AOPEP: variants seen among roughly 807,000 people sequenced by gnomAD.
The protein encoded by AOPEP is aminopeptidase O.
Under a neutral mutation model 98.1 loss-of-function variants are expected in AOPEP, and 77 were observed. The observed-to-expected ratio is 0.78, with a 90% CI of 0.65 to 0.95. The LOEUF is 0.95. AOPEP is among the 40% of genes least tolerant of loss of function. The pLI, the probability that AOPEP is intolerant of heterozygous loss-of-function variation, is 0.00. For synonymous variants in AOPEP, 346 were observed against 365.3 expected (o/e 0.95, Z 0.60); for missense variants, 1,024 against 1,024.7 (o/e 1.00, Z 0.01).
chr9:94,854,821 C>T (rs10993370), intron 5 of AOPEP, among the ~76,000 whole-genome samples: 2 of 151,898 alleles, frequency 1.3e-5, no homozygotes, highest in Non-Finnish European at 1.5e-5. Context: ...TATGTTGGAT[C>T]GGAACATCCA....
chr9:94,918,780 GAGA>G (rs1254932091), intron 5 of AOPEP, among the ~76,000 whole-genome samples: 5 of 152,222 alleles, frequency 3.3e-5, no homozygotes, highest in South Asian at 2.1e-4. Flanking sequence ...TCTTCAGAAG[GAGA>G]AGATGTTTGG....
chr9:94,945,369 G>A (rs1186616560), intron 7 of AOPEP, among the ~76,000 whole-genome samples: 1 of 152,046 alleles, frequency 6.6e-6, no homozygotes, highest in Non-Finnish European at 1.5e-5. Flanking sequence ...GTTAACCATT[G>A]GGCGTCATCA....
At chr9:94,816,928 A>G (rs924229791) in intron 5 of AOPEP, among the ~76,000 whole-genome samples, 9 of 152,242 alleles carry the variant, frequency 5.9e-5, no homozygotes, top group African/African-American at 2.2e-4. Context: ...TTCTCCTGAC[A>G]TTGATAAAAA....
At chr9:94,887,089 C>T (rs1391721516) in intron 5 of AOPEP, among the ~76,000 whole-genome samples, 1 of 152,022 alleles carries the variant, frequency 6.6e-6, no homozygotes, top group Admixed American at 6.6e-5. Context: ...GCCTGTAATC[C>T]CAGCACTTTG....
chr9:95,053,904 G>GAGGA (rs2066604995), intron 13 of AOPEP, among the ~76,000 whole-genome samples: 1 of 152,070 alleles, frequency 6.6e-6, no homozygotes, highest in African/African-American at 2.4e-5. Flanking sequence ...GGTAGGGAGC[G>GAGGA]AGGTCTCACT....
chr9:94,941,120 A>AG (rs1411540057), intron 7 of AOPEP, among the ~76,000 whole-genome samples: 2 of 152,252 alleles, frequency 1.3e-5, no homozygotes, highest in Non-Finnish European at 2.9e-5. Flanking sequence ...CAGCACTTCT[A>AG]AGACTACCCT....
At chr9:94,751,173 T>G (rs1229417700) in intron 1 of AOPEP, among the ~76,000 whole-genome samples, 1 of 152,158 alleles carries the variant, frequency 6.6e-6, no homozygotes, top group Non-Finnish European at 1.5e-5. Context: ...CTCAATGCCA[T>G]TCCCTTCTTC....
At chr9:94,763,191 C>CT (rs1420743700) in intron 2 of AOPEP, 3 of 404,442 alleles carry the variant, frequency 7.4e-6, no homozygotes, top group South Asian at 1.9e-5. Flanking sequence ...AAGAGAATGA[C>CT]TTTTTTTGAA....
chr9:95,131,734 G>A, the AOPEP span, among the ~76,000 whole-genome samples: 1 of 152,212 alleles, frequency 6.6e-6, no homozygotes, highest in Admixed American at 6.5e-5. Context: ...ACCCTGGCAT[G>A]TTAGTGAAAA....
In AOPEP at chr9:94,990,385, T is replaced by C. The variant is rs923345137; in HGVS notation, c.1977+10958T>C. Among the ~76,000 whole-genome samples, 7 of 152,176 alleles carry C rather than the reference T, an allele frequency of 4.6e-5. 1 individual carries two copies. The South Asian group carries it at 1.0e-3, about 23-fold the overall frequency. The stretch of plus-strand genomic sequence containing the variant: ...TCCCTAATAATGAGCGGACCTGTAA[T>C]AGGATTTCACTGCAGTGCTGCCTTA... On this transcript the variant is annotated intron_variant, in intron 11 of 16. Coordinates refer to ENST00000375315, the MANE Select transcript of AOPEP (RefSeq NM_001193329.3).
chr9:94,740,658 C>T lies in AOPEP; in HGVS notation c.-136+13907C>T, dbSNP rs548090240. ...TGACCAGCCATGCAGGACACAAGATCACATGCCAGAAAGTTCAGCATAGTA... is the reference window on the plus strand; with the variant it reads ...TGACCAGCCATGCAGGACACAAGATTACATGCCAGAAAGTTCAGCATAGTA... On this transcript the variant is annotated intron_variant, in intron 1 of 16. Transcript: ENST00000375315. Among the ~76,000 whole-genome samples, 15 of 152,204 alleles carry T rather than the reference C, an allele frequency of 9.9e-5. No individual in the cohort carries two copies. The South Asian group carries it at 3.1e-3, about 32-fold the overall frequency.
intron 13 of AOPEP, among the ~76,000 whole-genome samples, chr9:95,045,008 T>G (rs977989229): frequency 4.6e-5 from 7 of 152,150 alleles, no homozygotes; most frequent in African/African-American, 1.4e-4. Context: ...CCATTTTATA[T>G]TCATGCTCAG....
intron 16 of AOPEP, chr9:95,083,082 C>T (rs111865302): frequency 6.0e-5 from 13 of 217,332 alleles, no homozygotes; most frequent in African/African-American, 2.8e-4. Context: ...CTGGCAGAAG[C>T]GCTGGTCCAG....
At chr9:95,003,158 G>A (rs2061674246) in intron 11 of AOPEP, among the ~76,000 whole-genome samples, 1 of 150,424 alleles carries the variant, frequency 6.6e-6, no homozygotes, top group Non-Finnish European at 1.5e-5. Flanking sequence ...GTGTGTGTGT[G>A]TGTGTGTGCG....
At chr9:94,924,989 T>TTTG (rs371170350) in intron 6 of AOPEP, among the ~76,000 whole-genome samples, 32 of 152,084 alleles carry the variant, frequency 2.1e-4, no homozygotes, top group Admixed American at 6.5e-4. Context: ...AGTTCCTATT[T>TTTG]TTGTTGTTGT....
At chr9:94,999,703 G>A (rs2061441760) in intron 11 of AOPEP, among the ~76,000 whole-genome samples, 1 of 152,130 alleles carries the variant, frequency 6.6e-6, no homozygotes, top group Non-Finnish European at 1.5e-5. Context: ...AAGTGGTCTG[G>A]CTTATTCCAA....
the AOPEP span, among the ~76,000 whole-genome samples, chr9:95,127,612 C>CA: frequency 1.3e-5 from 2 of 152,230 alleles, no homozygotes; most frequent in Non-Finnish European, 2.9e-5. Context: ...CCCTGCTTCA[C>CA]AGCAGCATTC....
Position 95,086,876 on chromosome 9 carries a change from C to G in AOPEP, c.*199C>G. 1 of 987,926 alleles carries G rather than the reference C, an allele frequency of 1.0e-6. No individual in the cohort carries two copies. The highest frequency in any genetic ancestry group is 4.7e-5 in the South Asian group (1 of 21,366). 61.2% of individuals were successfully genotyped at this position (987,926 alleles called of 1,614,324 possible). A position where few individuals can be genotyped will look rare whatever the true frequency, so the allele number is the denominator to read the frequency against. On this transcript the variant is annotated 3_prime_UTR_variant, in exon 17 of 17. Transcript: ENST00000375315. Reference sequence around the variant, plus strand: ...CACACAAAAGGCAGATTCTCGTAAACGCAGCCTCCCTCCCTGGAGGCTGCC... The same window carrying G: ...CACACAAAAGGCAGATTCTCGTAAAGGCAGCCTCCCTCCCTGGAGGCTGCC...
intron 2 of AOPEP, among the ~76,000 whole-genome samples, chr9:94,767,777 C>T (rs79069677): frequency 0.089 from 13,485 of 152,240 alleles, 716 homozygotes; most frequent in African/African-American, 0.13. Context: ...TCCGTTTTGA[C>T]TTTACGTAAA....
Sources: gnomAD v4.1 joint callset for allele counts (sites outside exome capture counted in the v4.1 genomes callset) on GRCh38, gnomAD v4.1.1 for gene constraint, MANE v1.5 for transcripts, NCBI Gene and HGNC (gene_info 2026-07-23, HGNC 2026-07-21) for gene names.